The following DTNB variants were observed in gnomAD, a reference collection of about 807,000 sequenced individuals.
The protein encoded by DTNB is DTN-B.
In DTNB, 63 loss-of-function variants were observed where a neutral mutation model predicts 90.7. The ratio of observed to expected loss-of-function variants is 0.69; its 90% CI spans 0.57 to 0.86. The LOEUF (loss-of-function observed/expected upper bound fraction) is 0.86. Among genes scored for constraint, DTNB ranks in the 40% least tolerant of loss-of-function variants. DTNB has a pLI of 0.00. For missense variants in DTNB, 744 were observed against 807.1 expected (o/e 0.92, Z 0.95); for synonymous variants, 277 against 286.7 (o/e 0.97, Z 0.34).
chr2:25,658,740 C>A (rs1369664880), intron 1 of DTNB, among the ~76,000 whole-genome samples: 2 of 152,068 alleles, frequency 1.3e-5, no homozygotes, highest in East Asian at 3.8e-4. Flanking sequence ...GGAAAATGAT[C>A]AGTGGTTGCC....
At chr2:25,605,504 G>A (rs1169307907) in intron 5 of DTNB, among the ~76,000 whole-genome samples, 7 of 152,100 alleles carry the variant, frequency 4.6e-5, no homozygotes, top group Non-Finnish European at 1.0e-4. Context: ...CAGTTATAAC[G>A]CAGAACTGGA....
At chr2:25,513,445 G>A (rs1159903148) in intron 9 of DTNB, among the ~76,000 whole-genome samples, 3 of 152,012 alleles carry the variant, frequency 2.0e-5, no homozygotes, top group South Asian at 2.1e-4. Flanking sequence ...GAAATAGGTC[G>A]GGCTTGGTGG....
At chr2:25,533,828 ACTG>A (rs1288903116) in intron 8 of DTNB, among the ~76,000 whole-genome samples, 1 of 152,024 alleles carries the variant, frequency 6.6e-6, no homozygotes, top group Non-Finnish European at 1.5e-5. Flanking sequence ...GACTTTCCTC[ACTG>A]CTCCATACGA....
intron 5 of DTNB, among the ~76,000 whole-genome samples, chr2:25,601,392 G>GA (rs574546313): frequency 1.0e-3 from 152 of 152,190 alleles, no homozygotes; most frequent in Non-Finnish European, 1.8e-3. Flanking sequence ...TCTCCCTTGT[G>GA]AAAAACCCAC....
chr2:25,640,366 T>C (rs1244783688), intron 2 of DTNB, among the ~76,000 whole-genome samples: 1 of 152,110 alleles, frequency 6.6e-6, no homozygotes, highest in African/African-American at 2.4e-5. Flanking sequence ...CTCTCATTTG[T>C]CTTCATTACA....
chr2:25,622,903 T>C (rs1386178940), intron 4 of DTNB, among the ~76,000 whole-genome samples: 1 of 151,930 alleles, frequency 6.6e-6, no homozygotes, highest in Non-Finnish European at 1.5e-5. Context: ...ATATATTACA[T>C]ATAGAAAATA....
intron 16 of DTNB, among the ~76,000 whole-genome samples, chr2:25,402,969 C>A (rs113551933): frequency 1.3e-5 from 2 of 152,140 alleles, no homozygotes; most frequent in Admixed American, 1.3e-4. Flanking sequence ...CAAAGAACAA[C>A]CTATTAAAAC....
intron 16 of DTNB, among the ~76,000 whole-genome samples, chr2:25,412,738 G>A (rs555746578): frequency 2.0e-5 from 3 of 152,310 alleles, no homozygotes; most frequent in African/African-American, 7.2e-5. Context: ...TGTGGTATTA[G>A]AGATCCAGCA....
Position 25,388,103 on chromosome 2 carries a change from A to G in DTNB, c.1735+99T>C, listed in dbSNP as rs974372862. ...CTGTCAAAATCTGATCATTCCAAGC[A>G]AAGAGCACAAAACAGAAATGGAAAA... On this transcript the variant is annotated intron_variant, in intron 17 of 20. Transcript: ENST00000406818. The G allele has an allele frequency of 4.0e-6, 6 of 1,507,572 alleles. No homozygotes were observed. In the African/African-American group the frequency reaches 5.5e-5, roughly 14 times the overall value. The allele number at this position is 1,507,572 out of a possible 1,614,324, so 93.4% of individuals were successfully genotyped here.
In DTNB at chr2:25,628,154, G is replaced by A; in HGVS notation, c.362+17C>T. 6.2e-7 allele frequency: 1 copy of A among 1,609,108 alleles called. No homozygotes were observed. Among genetic ancestry groups the A allele is most frequent in the South Asian group, 1.1e-5 (1 of 90,794 alleles). ...TTCTTAAAATGAAGTAAGCGTGTAA[G>A]GTAAGGTACTACTAGCCTGTCATAT... On this transcript the variant is annotated intron_variant, in intron 4 of 20. Transcript: ENST00000406818.
chr2:25,540,885 C>CTTCACA (rs1267450026), intron 8 of DTNB, among the ~76,000 whole-genome samples: 2 of 151,924 alleles, frequency 1.3e-5, no homozygotes, highest in Non-Finnish European at 2.9e-5. Context: ...ATCTCAAGTA[C>CTTCACA]CCAGGGACAC....
chr2:25,625,551 A>ATTTTTTTTTT (rs66586812), intron 4 of DTNB, among the ~76,000 whole-genome samples: 6 of 73,960 alleles, frequency 8.1e-5, no homozygotes, highest in East Asian at 3.9e-4. Flanking sequence ...TAACTCACTC[A>ATTTTTTTTTT]TTTTTTTTTT....
chr2:25,605,364 G>A (rs775861276), intron 5 of DTNB, among the ~76,000 whole-genome samples: 1 of 152,114 alleles, frequency 6.6e-6, no homozygotes, highest in East Asian at 1.9e-4. Context: ...GGCTTGGCCC[G>A]TGGGCTTTTG....
intron 4 of DTNB, among the ~76,000 whole-genome samples, chr2:25,622,437 G>A (rs1220472409): frequency 1.3e-5 from 2 of 152,156 alleles, no homozygotes; most frequent in Non-Finnish European, 2.9e-5. Context: ...CCAAGATTGT[G>A]CCACTGCACT....
At chr2:25,417,825 TCTCC>T (rs1181100909) in intron 16 of DTNB, among the ~76,000 whole-genome samples, 1 of 152,144 alleles carries the variant, frequency 6.6e-6, no homozygotes, top group Non-Finnish European at 1.5e-5. Context: ...GTCTCCTTCC[TCTCC>T]CTCCAACAGT....
intron 16 of DTNB, among the ~76,000 whole-genome samples, chr2:25,416,161 G>A (rs759551861): frequency 2.4e-4 from 36 of 152,194 alleles, no homozygotes; most frequent in Admixed American, 1.4e-3. Context: ...TGTCTGCAGA[G>A]AACTGAATTT....
intron 16 of DTNB, among the ~76,000 whole-genome samples, chr2:25,405,124 T>A (rs1430040529): frequency 6.6e-6 from 1 of 152,002 alleles, no homozygotes; most frequent in Non-Finnish European, 1.5e-5. Flanking sequence ...GATGAAATTT[T>A]GCCATGTTGC....
intron 9 of DTNB, 123 bp from the exon 10 acceptor site, chr2:25,482,996 A>C: frequency 5.3e-6 from 4 of 759,748 alleles, no homozygotes; most frequent in East Asian, 8.2e-5. Context: ...AGACGGACCC[A>C]TGGGGAGGGG....
chr2:25,570,406 CAAAAAAAAAAAA>C (rs146251976), intron 8 of DTNB, among the ~76,000 whole-genome samples: 13 of 89,908 alleles, frequency 1.4e-4, no homozygotes, highest in East Asian at 6.9e-4. Context: ...TTTCCTGTCT[CAAAAAAAAAAAA>C]AAAAAAAAAA....
Sources: allele counts gnomAD v4.1 joint callset (sites outside exome capture counted in the v4.1 genomes callset), GRCh38; gene constraint gnomAD v4.1.1; transcripts MANE v1.5; gene names NCBI Gene and HGNC (gene_info 2026-07-23, HGNC 2026-07-21).